The following LMTK2 variants were observed in gnomAD, a reference collection of about 807,000 sequenced individuals.
LMTK2 encodes the protein lemur tail kinase 2.
Under a neutral mutation model 127.5 loss-of-function variants are expected in LMTK2, and 37 were observed. That is an observed-to-expected ratio of 0.29 (90% CI 0.22 to 0.38). The LOEUF (loss-of-function observed/expected upper bound fraction) is 0.38. Ranked by LOEUF, LMTK2 falls within the 10% of genes least tolerant of loss-of-function variation. The pLI is 1.00. For missense variants in LMTK2, 1,694 were observed against 1,920.3 expected (o/e 0.88, Z 2.20); for synonymous variants, 819 against 810.1 (o/e 1.01, Z -0.19).
Position 98,185,060 on chromosome 7 carries a change from C to A in LMTK2, c.801C>A (p.Ala267=). Residue 267 remains alanine, a synonymous_variant, in exon 8 of 14, where the codon GCC becomes GCA. Transcript: ENST00000297293. ...TTCCCTCTGTTTTCAGTGATTTAGC[C>A]CTGCGGAATTGTTTTCTCACCTCCG... The part of the protein sequence containing the change: ...HKLHFLHSDL[A]LRNCFLTSDL... 1 of 1,610,970 alleles carries A rather than the reference C, an allele frequency of 6.2e-7. No individual in the cohort carries two copies. The highest frequency in any genetic ancestry group is 8.5e-7 in the Non-Finnish European group (1 of 1,177,428).
At chr7:98,126,218 T>C (rs746304361) in intron 1 of LMTK2, among the ~76,000 whole-genome samples, 1 of 152,170 alleles carries the variant, frequency 6.6e-6, no homozygotes, top group East Asian at 1.9e-4. Flanking sequence ...AGAAGTTGGA[T>C]TGACGAAGTG....
chr7:98,114,236 TA>T (rs1205089486), intron 1 of LMTK2, among the ~76,000 whole-genome samples: 9 of 150,398 alleles, frequency 6.0e-5, no homozygotes, highest in Non-Finnish European at 1.0e-4. Context: ...TGTGTTTTTT[TA>T]AAGTTTTTTT....
intron 1 of LMTK2, among the ~76,000 whole-genome samples, chr7:98,133,346 G>A (rs554535958): frequency 1.3e-5 from 2 of 152,090 alleles, no homozygotes; most frequent in South Asian, 2.1e-4. Flanking sequence ...ACTGTGTCAG[G>A]GACTGGTTTC....
chr7:98,154,791 G>A lies in LMTK2; in HGVS notation c.484G>A (p.Val162Ile), dbSNP rs751573329. Residue 162 changes from valine to isoleucine, a missense_variant, in exon 5 of 14, where the codon GTA becomes ATA. By Grantham distance (29) the Val-to-Ile change is conservative. Transcript: ENST00000297293. ...LLGEIYTGTS[V>I]ARVIVKELKA... is the part of the protein sequence containing the mutation. ...GGGAGAGATTTACACGGGCACTAGC[G>A]TAGCAAGAGTCATCGTGAAGGAGTT... 7.6e-5 allele frequency: 123 copies of A among 1,613,350 alleles called. No homozygotes were observed. The highest frequency in any genetic ancestry group is 1.1e-4 in the South Asian group (10 of 91,058).
At chr7:98,116,719 T>C (rs1005531012) in intron 1 of LMTK2, among the ~76,000 whole-genome samples, 7 of 152,236 alleles carry the variant, frequency 4.6e-5, no homozygotes. Context: ...AGTATTAATA[T>C]ATTGCTATTA....
Position 98,193,768 on chromosome 7 carries a change from A to G in LMTK2, c.3303A>G (p.Arg1101=). 2.5e-6 allele frequency: 4 copies of G among 1,613,944 alleles called. No homozygotes were observed. The highest frequency in any genetic ancestry group is 3.4e-6 in the Non-Finnish European group (4 of 1,180,012). ...CAGCTGGCTCCCAGGGTTCATACCG[A>G]GACTCTGCGTACTTCTCAGACAATG... ...TFTAGSQGSY[R]DSAYFSDNDS... The change falls in exon 11 of 14, where the codon CGA becomes CGG. Residue 1101 remains arginine (R), a synonymous_variant. Coordinates refer to ENST00000297293, the MANE Select transcript of LMTK2 (RefSeq NM_014916.4). The surrounding 1 kb of genome is among the most constrained non-coding windows in gnomAD (Gnocchi z 4.1).
chr7:98,132,033 C>A (rs1796526751), intron 1 of LMTK2, among the ~76,000 whole-genome samples: 1 of 152,132 alleles, frequency 6.6e-6, no homozygotes, highest in Non-Finnish European at 1.5e-5. Flanking sequence ...ACCCAGGGAA[C>A]AAGAACTCCA....
intron 3 of LMTK2, among the ~76,000 whole-genome samples, chr7:98,143,985 A>C (rs1796733559): frequency 6.6e-6 from 1 of 152,224 alleles, no homozygotes; most frequent in Admixed American, 6.5e-5. Flanking sequence ...TACGAAAGAT[A>C]TTTGTGATAT....
At chr7:98,156,597 A>AG (rs1796929573) in intron 5 of LMTK2, among the ~76,000 whole-genome samples, 1 of 152,258 alleles carries the variant, frequency 6.6e-6, no homozygotes, top group Non-Finnish European at 1.5e-5. Context: ...ATAGCTTGGC[A>AG]GTTTCTTAAA....
intron 1 of LMTK2, among the ~76,000 whole-genome samples, chr7:98,128,646 C>T (rs1356161992): frequency 1.5e-4 from 23 of 152,210 alleles, no homozygotes; most frequent in Admixed American, 1.5e-3. Context: ...GCATAGAGGT[C>T]CGAGGGCTGT....
chr7:98,114,978 G>C (rs1370448769), intron 1 of LMTK2, among the ~76,000 whole-genome samples: 1 of 152,068 alleles, frequency 6.6e-6, no homozygotes, highest in Non-Finnish European at 1.5e-5. Flanking sequence ...ATGTTTCATG[G>C]GGTGCCAGAC....
intron 1 of LMTK2, among the ~76,000 whole-genome samples, chr7:98,131,637 G>A (rs1313329389): frequency 3.3e-5 from 5 of 151,918 alleles, no homozygotes; most frequent in East Asian, 3.9e-4. Context: ...TGTGTTATCA[G>A]CTATTGATAT....
At position 98,106,903 on chromosome 7, in the gene LMTK2, C is replaced by T. The variant is rs1476895431; in HGVS notation, c.-275C>T. On this transcript the variant is annotated 5_prime_UTR_variant, in exon 1 of 14. Coordinates refer to ENST00000297293, the MANE Select transcript of LMTK2 (RefSeq NM_014916.4). Reference sequence around the variant, plus strand: ...CATCATGGCGGCGGGAGCGCGGCTTCCCAGGCCCGCCGCTCCGCAGGGCTG... The same window carrying T: ...CATCATGGCGGCGGGAGCGCGGCTTTCCAGGCCCGCCGCTCCGCAGGGCTG... 4 of 448,424 alleles carry T rather than the reference C, an allele frequency of 8.9e-6. No individual in the cohort carries two copies. Among genetic ancestry groups the T allele is most frequent in the African/African-American group, 4.1e-5 (2 of 48,762 alleles). 27.8% of individuals were successfully genotyped at this position (448,424 alleles called of 1,614,324 possible).
intron 1 of LMTK2, among the ~76,000 whole-genome samples, chr7:98,121,160 C>T (rs1398068242): frequency 6.6e-6 from 1 of 152,148 alleles, no homozygotes; most frequent in African/African-American, 2.4e-5. Flanking sequence ...TGGTGAACCG[C>T]ATTGTGCTTT....
intron 3 of LMTK2, among the ~76,000 whole-genome samples, chr7:98,144,956 C>T (rs886169764): frequency 2.0e-5 from 3 of 151,990 alleles, no homozygotes; most frequent in South Asian, 2.1e-4. Flanking sequence ...GTTTCTAATG[C>T]GAAAACAAAT....
chr7:98,179,679 A>G (rs1196653720), intron 7 of LMTK2, among the ~76,000 whole-genome samples: 1 of 139,680 alleles, frequency 7.2e-6, no homozygotes, highest in Non-Finnish European at 1.5e-5. Flanking sequence ...ATGGGGACCA[A>G]CATTCTTCTT....
At chr7:98,130,546 A>C (rs918110119) in intron 1 of LMTK2, among the ~76,000 whole-genome samples, 2 of 152,128 alleles carry the variant, frequency 1.3e-5, no homozygotes, top group African/African-American at 4.8e-5. Context: ...GTGCCTCAGA[A>C]TGGGACCTTA....
chr7:98,187,725 C>T (rs1222231321), intron 9 of LMTK2, among the ~76,000 whole-genome samples: 4 of 151,932 alleles, frequency 2.6e-5, no homozygotes, highest in Non-Finnish European at 4.4e-5. Flanking sequence ...ATTCTTGTGC[C>T]TCAGCCTCCC....
Position 98,137,326 on chromosome 7 carries a change from C to G in LMTK2, c.115C>G (p.Pro39Ala). ...LPQTGAGEAP[P>A]AAEVSSSFVI... ...ATCTCTCTTTCCAGGGGAGGCGCCA[C>G]CTGCTGCAGAAGTTTCCTCATCTTT... is the stretch of plus-strand genomic sequence containing the variant. The change falls in exon 2 of 14, where the codon CCT (proline) becomes GCT (alanine). Residue 39 changes from proline (P) to alanine (A), a missense_variant. Physicochemically the swap from Pro to Ala is conservative, Grantham distance 27 (BLOSUM62 -1). Around this residue, in one of 8 missense-constraint regions of LMTK2, gnomAD observed 76 missense variants for 82.0 expected, o/e 0.93. Transcript: ENST00000297293. The G allele has an allele frequency of 2.5e-6, 4 of 1,609,118 alleles. No homozygotes were observed. Among genetic ancestry groups the G allele is most frequent in the Non-Finnish European group, 3.4e-6 (4 of 1,178,638 alleles).
Sources: allele counts gnomAD v4.1 joint callset (sites outside exome capture counted in the v4.1 genomes callset), GRCh38; gene constraint gnomAD v4.1.1; regional missense constraint gnomAD v4.1.1; non-coding constraint Gnocchi (gnomAD v3.1); transcripts MANE v1.5; gene names NCBI Gene and HGNC (gene_info 2026-07-23, HGNC 2026-07-21).